CELF3: variants seen among roughly 807,000 people sequenced by gnomAD.
CELF3 encodes the protein CUGBP Elav-like family member 3, also known as CAG repeat domain.
Under a neutral mutation model 59.6 loss-of-function variants are expected in CELF3, and 26 were observed. That is an observed-to-expected ratio of 0.44 (90% CI 0.32 to 0.61). The LOEUF is 0.61. Among genes scored for constraint, CELF3 ranks in the 20% least tolerant of loss-of-function variants. The probability of loss-of-function intolerance (pLI) is 0.06; values close to 1 mark genes in which losing one functional copy is unlikely to be tolerated. For missense variants in CELF3, 387 were observed against 627.2 expected, an observed-to-expected ratio of 0.62 and a Z score of 4.09; for synonymous variants, 245 against 250.7, an observed-to-expected ratio of 0.98 and a Z score of 0.22.
rs1045769127 is a variant in CELF3 at position 151,709,147 on chromosome 1, A to C, written c.407-70T>G. 3.1e-6 allele frequency: 5 copies of C among 1,605,686 alleles called. No homozygotes were observed. Among genetic ancestry groups the C allele is most frequent in the Non-Finnish European group, 4.3e-6 (5 of 1,173,552 alleles). ...CTGCGGGACCCCGCGGTGGAACCCG[A>C]TGCCTAGGGAGTCTTGGGGGTGGAA... On this transcript the variant is annotated intron_variant, in intron 4 of 12. Transcript: ENST00000290583. This position sits in a 1 kb window ranked among gnomAD's most constrained non-coding sequence, Gnocchi z 4.9.
At chr1:151,710,106 G>C (rs1203710576) in intron 2 of CELF3, 2 of 380,300 alleles carry the variant, frequency 5.3e-6, no homozygotes, top group Non-Finnish European at 4.9e-6. Flanking sequence ...CCCGGGGCCT[G>C]AGAGAGAGCC....
chr1:151,712,898 C>A (rs112998982), intron 2 of CELF3, among the ~76,000 whole-genome samples: 2 of 152,066 alleles, frequency 1.3e-5, no homozygotes, highest in Admixed American at 1.3e-4. Flanking sequence ...CACACACATG[C>A]GTGTGCATGC....
At position 151,716,285 on chromosome 1, in the gene CELF3, G is replaced by A; in HGVS notation, c.-265C>T. ...CTAAACAAACGATCTCCCTCCCAGAGATCTGGCAAATGTCCCAGGATGGGG... is the reference window on the plus strand; with the variant it reads ...CTAAACAAACGATCTCCCTCCCAGAAATCTGGCAAATGTCCCAGGATGGGG... On this transcript the variant is annotated 5_prime_UTR_variant, in exon 1 of 13. Transcript: ENST00000290583. 2.3e-6 allele frequency: 1 copy of A among 442,694 alleles called. No homozygotes were observed. Among genetic ancestry groups the A allele is most frequent in the Non-Finnish European group, 4.0e-6 (1 of 248,008 alleles). 27.4% of individuals were successfully genotyped at this position (442,694 alleles called of 1,614,324 possible). A position where few individuals can be genotyped will look rare whatever the true frequency, so the allele number is the denominator to read the frequency against.
In CELF3 at chr1:151,716,003, G is replaced by T. The variant is rs981405819; in HGVS notation, c.18C>A (p.Ala6=). The change falls in exon 1 of 13, where the codon GCC becomes GCA. Residue 6 remains alanine, a synonymous_variant. Transcript: ENST00000290583. MKEPD[A]IKLFVGQIPR... ...GGATCTGCCCCACAAACAGCTTGATGGCATCCGGCTCCTTCATTGAGGCGG... is the reference window on the plus strand; with the variant it reads ...GGATCTGCCCCACAAACAGCTTGATTGCATCCGGCTCCTTCATTGAGGCGG... The T allele has an allele frequency of 2.5e-6, 4 of 1,613,396 alleles. No homozygotes were observed. Among genetic ancestry groups the T allele is most frequent in the Non-Finnish European group, 3.4e-6 (4 of 1,179,562 alleles).
At chr1:151,711,578 T>G (rs937147000) in intron 2 of CELF3, among the ~76,000 whole-genome samples, 5 of 152,152 alleles carry the variant, frequency 3.3e-5, no homozygotes, top group African/African-American at 1.2e-4. Context: ...AGGCTCAATC[T>G]CCTTAGGCAT....
rs1672454955 is a variant in CELF3 at position 151,705,726 on chromosome 1, A to C, written c.1270+96T>G. 7.4e-7 allele frequency: 1 copy of C among 1,355,044 alleles called. No individual in the cohort carries two copies. Among genetic ancestry groups the C allele is most frequent in the East Asian group, 2.3e-5 (1 of 43,290 alleles). The allele number at this position is 1,355,044 out of a possible 1,614,324, so 83.9% of individuals were successfully genotyped here. Reference sequence around the variant, plus strand: ...GTACTCTTGGATAATCAGTATTTCAAATACTGGGTCCACTGTGACCATAAA... The same window carrying C: ...GTACTCTTGGATAATCAGTATTTCACATACTGGGTCCACTGTGACCATAAA... On this transcript the variant is annotated intron_variant, in intron 11 of 12. Transcript: ENST00000290583. This position sits in a 1 kb window ranked among gnomAD's most constrained non-coding sequence, Gnocchi z 5.1.
At chr1:151,706,838 G>T in intron 8 of CELF3, 104 bp from the exon 9 acceptor site, 1 of 868,498 alleles carries the variant, frequency 1.2e-6, no homozygotes, top group Non-Finnish European at 1.7e-6. Flanking sequence ...GGGGAGCAGA[G>T]CTTCTCTGGG....
chr1:151,704,413 G>A (rs1234799849), intron 12 of CELF3, among the ~76,000 whole-genome samples: 3 of 152,104 alleles, frequency 2.0e-5, no homozygotes, highest in Non-Finnish European at 4.4e-5. Flanking sequence ...CTTCACAGGC[G>A]GCGCGACATT....
At chr1:151,704,820 TGA>T (rs952610429) in intron 12 of CELF3, among the ~76,000 whole-genome samples, 107 of 147,576 alleles carry the variant, frequency 7.3e-4, no homozygotes, top group East Asian at 7.9e-4. Context: ...TGTGTGTGTG[TGA>T]GAGAGAGAGA....
In CELF3 at chr1:151,707,613, G is replaced by T; in HGVS notation, c.666C>A (p.His222Gln). 1 of 1,607,602 alleles carries T rather than the reference G, an allele frequency of 6.2e-7. No homozygotes were observed. ...MQQQAALVAA[H>Q]SAYLSPMATM... The stretch of plus-strand genomic sequence containing the variant: ...TGGCCATGGGGCTGAGGTAGGCACT[G>T]TGAGCCGCTACCAGGGCCGCCTGCT... Residue 222 changes from histidine to glutamine, a missense_variant, in exon 7 of 13, where the codon CAC becomes CAA. His to Gln is a conservative substitution (Grantham distance 24, BLOSUM62 0). Around this residue, in one of 3 missense-constraint regions of CELF3, gnomAD observed 208 missense variants for 354.8 expected, o/e 0.59. Transcript: ENST00000290583.
rs572960013 is a variant in CELF3, at chr1:151,705,724, C to T, written c.1270+98G>A. On this transcript the variant is annotated intron_variant, in intron 11 of 12. Coordinates refer to ENST00000290583, the MANE Select transcript of CELF3 (RefSeq NM_007185.7). This position sits in a 1 kb window ranked among gnomAD's most constrained non-coding sequence, Gnocchi z 5.1. Reference sequence around the variant, plus strand: ...TTGTACTCTTGGATAATCAGTATTTCAAATACTGGGTCCACTGTGACCATA... The same window carrying T: ...TTGTACTCTTGGATAATCAGTATTTTAAATACTGGGTCCACTGTGACCATA... 6.0e-6 allele frequency: 8 copies of T among 1,331,322 alleles called. No individual in the cohort carries two copies. In the African/African-American group the frequency reaches 7.3e-5, roughly 12 times the overall value. 82.5% of individuals were successfully genotyped at this position (1,331,322 alleles called of 1,614,324 possible). A position where few individuals can be genotyped will look rare whatever the true frequency, so the allele number is the denominator to read the frequency against.
At position 151,716,110 on chromosome 1, in the gene CELF3, C is replaced by T. The variant is rs558278736; in HGVS notation, c.-90G>A. On this transcript the variant is annotated 5_prime_UTR_variant, in exon 1 of 13. Transcript: ENST00000290583. ...CCAGCAAGGAGATAAGTGGTGGGGC[C>T]CGGGGGCCCAGCTGGGGCTGGCTTT... 14 of 1,387,614 alleles carry T rather than the reference C, an allele frequency of 1.0e-5. No homozygotes were observed. In the South Asian group the frequency reaches 2.0e-4, roughly 20 times the overall value. 86.0% of individuals were successfully genotyped at this position (1,387,614 alleles called of 1,614,324 possible).
In CELF3 at chr1:151,705,071, C is replaced by T; in HGVS notation, c.1368G>A (p.Lys456=). The T allele has an allele frequency of 6.2e-7, 1 of 1,613,894 alleles. No individual in the cohort carries two copies. The highest frequency in any genetic ancestry group is 1.1e-5 in the South Asian group (1 of 91,072). ...IGMKRLKVQL[K]RPKDANRPY ...AGGGCCGGTTGGCATCCTTAGGCCGCTTTAGCTGGACTTTGAGGCGCTTCA... is the reference window on the plus strand; with the variant it reads ...AGGGCCGGTTGGCATCCTTAGGCCGTTTTAGCTGGACTTTGAGGCGCTTCA... Residue 456 remains lysine, a synonymous_variant, in exon 12 of 13, where the codon AAG becomes AAA. Coordinates refer to ENST00000290583, the MANE Select transcript of CELF3 (RefSeq NM_007185.7). This position sits in a 1 kb window ranked among gnomAD's most constrained non-coding sequence, Gnocchi z 5.1.
In CELF3 at chr1:151,707,546, C is replaced by T. The variant is rs1192805019; in HGVS notation, c.733G>A (p.Ala245Thr). The T allele has an allele frequency of 3.1e-6, 5 of 1,610,484 alleles. No homozygotes were observed. The highest frequency in any genetic ancestry group is 4.2e-6 in the Non-Finnish European group (5 of 1,179,694). ...VQMQHMAAIN[A>T]NGLIATPITP... ...ATGGGGGTGGCGATGAGGCCATTGG[C>T]ATTGATGGCAGCCATGTGCTGCATC... is the stretch of plus-strand genomic sequence containing the variant. The change falls in exon 7 of 13, where the codon GCC (alanine) becomes ACC (threonine). Residue 245 changes from alanine to threonine, a missense_variant. Ala to Thr is a moderately conservative substitution (Grantham distance 58). This residue lies in a region of CELF3 where 208 missense variants were observed against 354.8 expected (regional missense o/e 0.59). Coordinates refer to ENST00000290583, the MANE Select transcript of CELF3 (RefSeq NM_007185.7).
At chr1:151,704,474 G>T (rs929376829) in intron 12 of CELF3, among the ~76,000 whole-genome samples, 6 of 152,042 alleles carry the variant, frequency 3.9e-5, no homozygotes, top group African/African-American at 1.5e-4. Context: ...CTGAAAATGG[G>T]CTCCCCCAGT....
At position 151,709,714 on chromosome 1, in the gene CELF3, G is replaced by C; in HGVS notation, c.277+29C>G. 6.2e-7 allele frequency: 1 copy of C among 1,611,378 alleles called. No homozygotes were observed. Among genetic ancestry groups the C allele is most frequent in the Non-Finnish European group, 8.5e-7 (1 of 1,177,492 alleles). Reference sequence around the variant, plus strand: ...CCCTGGGCCTGGGGGTGGGAGGAGAGGGACAGAGTCCAAAGGCACAGAACC... The same window carrying C: ...CCCTGGGCCTGGGGGTGGGAGGAGACGGACAGAGTCCAAAGGCACAGAACC... On this transcript the variant is annotated intron_variant, in intron 3 of 12. Coordinates refer to ENST00000290583, the MANE Select transcript of CELF3 (RefSeq NM_007185.7). This position sits in a 1 kb window ranked among gnomAD's most constrained non-coding sequence, Gnocchi z 4.9.
rs145222358 is a variant in CELF3, at chr1:151,709,230, G to A, written c.396C>T (p.Gly132=). Residue 132 remains glycine (G), a synonymous_variant, in exon 4 of 13, where the codon GGC becomes GGT. Transcript: ENST00000290583. This position sits in a 1 kb window ranked among gnomAD's most constrained non-coding sequence, Gnocchi z 4.9. ...AAGTGGGTGGACTACCTTTGCTGGT[G>A]CCATCTGGCCCCCGGAGCACAGTGC... is the stretch of plus-strand genomic sequence containing the variant. ...DECTVLRGPD[G]TSKGCAFVKF... is the part of the protein sequence containing the mutation. The A allele has an allele frequency of 5.9e-4, 950 of 1,613,754 alleles. 6 individuals are homozygous for A. Among genetic ancestry groups the A allele is most frequent in the Middle Eastern group, 2.0e-3 (12 of 6,080 alleles).
rs538249474 is a variant in CELF3 at position 151,702,609 on chromosome 1, C to G, written c.*850G>C. 1 of 152,132 alleles carries G rather than the reference C, an allele frequency of 6.6e-6. No homozygotes were observed. The highest frequency in any genetic ancestry group is 1.5e-5 in the Non-Finnish European group (1 of 68,188). 9.4% of individuals were successfully genotyped at this position (152,132 alleles called of 1,614,324 possible). A position where few individuals can be genotyped will look rare whatever the true frequency, so the allele number is the denominator to read the frequency against. ...GGTAATAAACCCCTTGACCCCTCCC[C>G]ACACCCCTCCTCCCAATACCCAATT... On this transcript the variant is annotated 3_prime_UTR_variant, in exon 13 of 13. Coordinates refer to ENST00000290583, the MANE Select transcript of CELF3 (RefSeq NM_007185.7).
chr1:151,706,101 C>A, intron 10 of CELF3, 123 bp downstream of exon 10: 1 of 1,594,028 alleles, frequency 6.3e-7, no homozygotes, highest in Non-Finnish European at 8.5e-7. Flanking sequence ...AAGTCTCCGG[C>A]CACTCCCTCC....
Sources: gnomAD v4.1 joint callset for allele counts (sites outside exome capture counted in the v4.1 genomes callset) on GRCh38, gnomAD v4.1.1 for gene constraint, gnomAD v4.1.1 regional missense constraint, Gnocchi (gnomAD v3.1) non-coding constraint, MANE v1.5 for transcripts, NCBI Gene and HGNC (gene_info 2026-07-23, HGNC 2026-07-21) for gene names.